The following COL5A2 variants were observed in gnomAD, a reference collection of about 807,000 sequenced individuals.
COL5A2 encodes the protein collagen alpha-2(V) chain.
COL5A2 carries 23 observed loss-of-function variants against 208.2 expected under a neutral mutation model. The observed-to-expected ratio is 0.11, with a 90% CI of 0.08 to 0.16. The LOEUF is 0.16. Ranked by LOEUF, COL5A2 falls within the 10% of genes least tolerant of loss-of-function variation. COL5A2 has a pLI of 1.00. For missense variants in COL5A2, 1,590 were observed against 1,956.4 expected (o/e 0.81, Z 3.53); for synonymous variants, 625 against 628.5 (o/e 0.99, Z 0.08).
At chr2:189,358,596 C>G in the COL5A2 span, among the ~76,000 whole-genome samples, 1 of 152,010 alleles carries the variant, frequency 6.6e-6, no homozygotes, top group Admixed American at 6.6e-5. Context: ...GAATTTTTTT[C>G]TACTTCTGTG....
the COL5A2 span, among the ~76,000 whole-genome samples, chr2:189,376,446 G>C: frequency 7.9e-5 from 12 of 152,046 alleles, no homozygotes; most frequent in Non-Finnish European, 1.0e-4. Flanking sequence ...GATAAACAGT[G>C]AATTTTGACT....
rs972865297 is a variant in COL5A2, at chr2:189,169,721, AT to A, written c.97+9786del. Among the ~76,000 whole-genome samples the A allele has an allele frequency of 9.9e-5, 15 of 152,224 alleles. No individual in the cohort carries two copies. In the East Asian group the frequency reaches 1.3e-3, roughly 14 times the overall value. Reference sequence around the variant, plus strand: ...TTATCTCTATTATTATTAAATAATAATTTTTTTGAGACGGATTTTTGCTCTT... The same window carrying A: ...TTATCTCTATTATTATTAAATAATAATTTTTTGAGACGGATTTTTGCTCTT... On this transcript the variant is annotated intron_variant, in intron 1 of 53. Coordinates refer to ENST00000374866, the MANE Select transcript of COL5A2 (RefSeq NM_000393.5).
the COL5A2 span, among the ~76,000 whole-genome samples, chr2:189,368,884 T>C: frequency 6.6e-6 from 1 of 152,092 alleles, no homozygotes; most frequent in Admixed American, 6.5e-5. Flanking sequence ...CAGGTGATCA[T>C]AAAGAAAAAA....
chr2:189,090,528 T>C (rs934381881), intron 7 of COL5A2, among the ~76,000 whole-genome samples: 4 of 152,204 alleles, frequency 2.6e-5, no homozygotes, highest in Non-Finnish European at 2.9e-5. Flanking sequence ...CAGCCTTCTG[T>C]TGGAAGAAGA....
At chr2:189,093,807 G>C (rs868192401) in intron 6 of COL5A2, among the ~76,000 whole-genome samples, 2 of 152,090 alleles carry the variant, frequency 1.3e-5, no homozygotes, top group South Asian at 2.1e-4. Flanking sequence ...AGGACTCCTG[G>C]ATCATATGAA....
At chr2:189,412,795 T>G in the COL5A2 span, among the ~76,000 whole-genome samples, 2 of 152,202 alleles carry the variant, frequency 1.3e-5, no homozygotes, top group Non-Finnish European at 2.9e-5. Context: ...TTGTCTTGTG[T>G]TCAAAGAGCA....
chr2:189,300,816 T>C, the COL5A2 span, among the ~76,000 whole-genome samples: 5 of 152,256 alleles, frequency 3.3e-5, no homozygotes, highest in Non-Finnish European at 4.4e-5. Context: ...GGAAGTCAGA[T>C]AGTCTCTCTA....
At chr2:189,326,734 C>T in the COL5A2 span, among the ~76,000 whole-genome samples, 3 of 149,612 alleles carry the variant, frequency 2.0e-5, no homozygotes, top group Non-Finnish European at 4.5e-5. Context: ...GGGGGGAGTT[C>T]ACCCACTCCC....
intron 23 of COL5A2, among the ~76,000 whole-genome samples, chr2:189,066,060 T>C (rs1157348001): frequency 6.6e-6 from 1 of 152,250 alleles, no homozygotes; most frequent in Non-Finnish European, 1.5e-5. Context: ...TATTTACCCA[T>C]TGACTTGTTT....
intron 1 of COL5A2, among the ~76,000 whole-genome samples, chr2:189,156,355 C>A (rs1049538498): frequency 2.0e-5 from 3 of 152,028 alleles, no homozygotes; most frequent in Admixed American, 1.3e-4. Context: ...AAAATTTCTT[C>A]TTTGGGGAAC....
Position 189,079,124 on chromosome 2 carries a change from A to C in COL5A2, c.961-17T>G. ...AGCTTCACCCTAAAAAAAAATGAGA[A>C]TACATTACAGTATGAGAAGCCTACA... On this transcript the variant is annotated splice_polypyrimidine_tract_variant and intron_variant, in intron 14 of 53. Transcript: ENST00000374866. 2 of 1,605,372 alleles carry C rather than the reference A, an allele frequency of 1.2e-6. No individual in the cohort carries two copies. Among genetic ancestry groups the C allele is most frequent in the Non-Finnish European group, 1.7e-6 (2 of 1,172,304 alleles).
chr2:189,112,977 T>G (rs1687313054), intron 1 of COL5A2, among the ~76,000 whole-genome samples: 1 of 152,174 alleles, frequency 6.6e-6, no homozygotes, highest in African/African-American at 2.4e-5. Context: ...CTCATTAAGT[T>G]TTATGATTGA....
upstream of COL5A2, among the ~76,000 whole-genome samples, chr2:189,226,982 T>C (rs1166394464): frequency 6.6e-6 from 1 of 152,088 alleles, no homozygotes; most frequent in Non-Finnish European, 1.5e-5. Context: ...CAAAAGATTA[T>C]GAACTTCTGA....
At chr2:189,356,086 G>A in the COL5A2 span, among the ~76,000 whole-genome samples, 1 of 152,104 alleles carries the variant, frequency 6.6e-6, no homozygotes, top group Non-Finnish European at 1.5e-5. Flanking sequence ...CTTTAAGAAT[G>A]TTGAATACTG....
intron 1 of COL5A2, among the ~76,000 whole-genome samples, chr2:189,213,511 C>A (rs1299828928): frequency 6.6e-6 from 1 of 152,146 alleles, no homozygotes; most frequent in African/African-American, 2.4e-5. Flanking sequence ...CTGATCAAGT[C>A]TCTAGATCCA....
intron 1 of COL5A2, among the ~76,000 whole-genome samples, chr2:189,223,398 C>T (rs1477031610): frequency 1.3e-5 from 2 of 152,176 alleles, no homozygotes; most frequent in Non-Finnish European, 2.9e-5. Flanking sequence ...TCCTCATTCA[C>T]TGAGTCTCTG....
intron 47 of COL5A2, among the ~76,000 whole-genome samples, chr2:189,044,409 C>A (rs924127511): frequency 4.6e-4 from 70 of 152,100 alleles, no homozygotes; most frequent in African/African-American, 1.6e-3. Flanking sequence ...GGGGATGACC[C>A]AAAGTTTCAT....
the COL5A2 span, among the ~76,000 whole-genome samples, chr2:189,292,610 G>C: frequency 6.6e-6 from 1 of 152,198 alleles, no homozygotes; most frequent in African/African-American, 2.4e-5. Context: ...AACAACAGGT[G>C]CTGGAGAGGA....
the COL5A2 span, among the ~76,000 whole-genome samples, chr2:189,316,486 T>A: frequency 2.0e-5 from 3 of 151,832 alleles, no homozygotes; most frequent in Admixed American, 6.6e-5. Context: ...CAAATCTGCA[T>A]GTCCTGAAGG....
Sources: gnomAD v4.1 joint callset for allele counts (sites outside exome capture counted in the v4.1 genomes callset) on GRCh38, gnomAD v4.1.1 for gene constraint, MANE v1.5 for transcripts, NCBI Gene and HGNC (gene_info 2026-07-23, HGNC 2026-07-21) for gene names.